The following MED12L variants were observed in gnomAD, a reference collection of about 807,000 sequenced individuals.
MED12L encodes the protein mediator complex subunit 12L, also known as mediator of RNA polymerase II transcription subunit 12-like protein.
In MED12L, 60 loss-of-function variants were observed where a neutral mutation model predicts 281.3. That is an observed-to-expected ratio of 0.21 (90% CI 0.17 to 0.26). The LOEUF (loss-of-function observed/expected upper bound fraction) is 0.26, where lower values mean the gene tolerates loss of function less well. MED12L is among the 10% of genes least tolerant of loss of function. MED12L has a pLI of 1.00. For missense variants in MED12L, 2,146 were observed against 2,680.9 expected, an observed-to-expected ratio of 0.80 and a Z score of 4.41; for synonymous variants, 974 against 987.2, an observed-to-expected ratio of 0.99 and a Z score of 0.25.
intron 22 of MED12L, 84 bp downstream of exon 22, chr3:151,365,290 GT>G: frequency 8.9e-7 from 1 of 1,118,064 alleles, no homozygotes; most frequent in Non-Finnish European, 1.3e-6. Flanking sequence ...GTTAGTAAGT[GT>G]CTGGACTCAC....
intron 18 of MED12L, 139 bp from the exon 19 acceptor site, chr3:151,355,757 T>C (rs1415064147): frequency 4.7e-6 from 3 of 641,488 alleles, no homozygotes; most frequent in Non-Finnish European, 7.4e-6. Context: ...TTTTATAGTT[T>C]CTATAGAAAC....
intron 3 of MED12L, among the ~76,000 whole-genome samples, chr3:151,120,190 C>T (rs1486105918): frequency 6.6e-6 from 1 of 151,010 alleles, no homozygotes; most frequent in East Asian, 1.9e-4. Context: ...CACACCAGTG[C>T]ATTCTAGCCT....
chr3:151,096,676 G>A (rs1348854664), intron 2 of MED12L, among the ~76,000 whole-genome samples: 1 of 152,180 alleles, frequency 6.6e-6, no homozygotes, highest in Non-Finnish European at 1.5e-5. Context: ...AGCCATGCAT[G>A]TTTATAGCTA....
chr3:151,115,829 C>T (rs1712684679), intron 2 of MED12L, among the ~76,000 whole-genome samples: 1 of 151,056 alleles, frequency 6.6e-6, no homozygotes, highest in African/African-American at 2.4e-5. Context: ...AGGCTGAGGC[C>T]AGAGGATCAC....
intron 16 of MED12L, among the ~76,000 whole-genome samples, chr3:151,281,176 C>T (rs1286951093): frequency 1.4e-5 from 2 of 138,288 alleles, no homozygotes; most frequent in African/African-American, 5.5e-5. Context: ...GTCACAAGGT[C>T]AGGAGCTCCA....
intron 16 of MED12L, among the ~76,000 whole-genome samples, chr3:151,195,982 A>G (rs1048848781): frequency 1.3e-5 from 2 of 152,212 alleles, no homozygotes; most frequent in Admixed American, 1.3e-4. Context: ...GTTGAGGGTT[A>G]TGTGTTCCTT....
intron 16 of MED12L, among the ~76,000 whole-genome samples, chr3:151,209,200 A>G (rs1239232358): frequency 6.6e-6 from 1 of 152,156 alleles, no homozygotes; most frequent in Non-Finnish European, 1.5e-5. Context: ...ACTTACACCC[A>G]ACTTCTATTG....
intron 5 of MED12L, among the ~76,000 whole-genome samples, chr3:151,148,891 G>A (rs981389545): frequency 2.5e-4 from 38 of 152,206 alleles, no homozygotes; most frequent in African/African-American, 8.2e-4. Context: ...ATATTTGCCC[G>A]GCCCATTTAT....
At chr3:151,135,989 A>G (rs1716083896) in intron 5 of MED12L, among the ~76,000 whole-genome samples, 1 of 152,188 alleles carries the variant, frequency 6.6e-6, no homozygotes, top group Admixed American at 6.5e-5. Flanking sequence ...GATTCAAAGA[A>G]GCTTAAAATG....
At chr3:151,357,420 G>A (rs2150060439) in intron 20 of MED12L, 44 bp downstream of exon 20, 2 of 1,498,172 alleles carry the variant, frequency 1.3e-6, no homozygotes, top group Non-Finnish European at 1.8e-6. Context: ...ATCTCAGAAT[G>A]TATAACTAGT....
intron 16 of MED12L, among the ~76,000 whole-genome samples, chr3:151,289,234 G>C (rs1743937105): frequency 6.6e-6 from 1 of 152,186 alleles, no homozygotes; most frequent in Non-Finnish European, 1.5e-5. Context: ...GAACGGATGA[G>C]CTATCCCAGA....
intron 38 of MED12L, among the ~76,000 whole-genome samples, chr3:151,393,920 C>T (rs1714622056): frequency 1.3e-5 from 2 of 151,962 alleles, no homozygotes; most frequent in Non-Finnish European, 2.9e-5. Flanking sequence ...TTACATGTAT[C>T]AAGGACTATT....
At chr3:151,281,232 CAAAAAAA>C (rs35035320) in intron 16 of MED12L, among the ~76,000 whole-genome samples, 112 of 49,964 alleles carry the variant, frequency 2.2e-3, no homozygotes, top group African/African-American at 3.9e-3. Context: ...ACCAAAAATA[CAAAAAAA>C]AAAAAAAAAA....
intron 38 of MED12L, among the ~76,000 whole-genome samples, chr3:151,392,244 A>G (rs1469291786): frequency 6.6e-6 from 1 of 152,060 alleles, no homozygotes; most frequent in Non-Finnish European, 1.5e-5. Flanking sequence ...TGGGCAGATC[A>G]CCTAAGGTCA....
chr3:151,357,293 G>A lies in MED12L; in HGVS notation c.2742G>A (p.Leu914=), dbSNP rs564675820. ...SSLAGSYTTG[L]CVCIVAVLRR... ...TGGCAGGAAGTTATACAACAGGACT[G>A]TGTGTCTGCATCGTGGCTGTTCTCA... Residue 914 remains leucine, a synonymous_variant, in exon 20 of 45, where the codon CTG becomes CTA. Transcript: ENST00000687756. 8 of 1,613,900 alleles carry A rather than the reference G, an allele frequency of 5.0e-6. No homozygotes were observed. The African/African-American group carries it at 9.3e-5, about 19-fold the overall frequency.
At chr3:151,196,925 A>G (rs539917871) in intron 16 of MED12L, among the ~76,000 whole-genome samples, 4 of 152,336 alleles carry the variant, frequency 2.6e-5, no homozygotes, top group East Asian at 1.9e-4. Context: ...CCATTTCTTA[A>G]TCATTGCAGC....
chr3:151,102,716 C>T (rs577119700), intron 2 of MED12L, among the ~76,000 whole-genome samples: 1 of 152,092 alleles, frequency 6.6e-6, no homozygotes, highest in Non-Finnish European at 1.5e-5. Flanking sequence ...ATCAAGTGAT[C>T]GTCGCCTGGG....
At chr3:151,405,526 C>CT (rs1456028699) in intron 39 of MED12L, among the ~76,000 whole-genome samples, 1 of 152,174 alleles carries the variant, frequency 6.6e-6, no homozygotes, top group African/African-American at 2.4e-5. Context: ...AATCCCAACA[C>CT]TTTAGGAGGC....
At chr3:151,176,811 A>G (rs1438985914) in intron 11 of MED12L, among the ~76,000 whole-genome samples, 1 of 152,124 alleles carries the variant, frequency 6.6e-6, no homozygotes, top group African/African-American at 2.4e-5. Flanking sequence ...AGTGTGTCAC[A>G]CTTGGTCAAC....
Sources: gnomAD v4.1 joint callset for allele counts (sites outside exome capture counted in the v4.1 genomes callset) on GRCh38, gnomAD v4.1.1 for gene constraint, MANE v1.5 for transcripts, NCBI Gene and HGNC (gene_info 2026-07-23, HGNC 2026-07-21) for gene names.